The following FHIT variants were observed in gnomAD, a reference collection of about 807,000 sequenced individuals.
FHIT encodes bis(5'-adenosyl)-triphosphatase.
In FHIT, 19 loss-of-function variants were observed where a neutral mutation model predicts 17.9. The observed-to-expected ratio is 1.06, with a 90% confidence interval of 0.74 to 1.56. The LOEUF (loss-of-function observed/expected upper bound fraction) is 1.56, where lower values mean the gene tolerates loss of function less well. Among genes scored for constraint, FHIT ranks in the 40% most tolerant of loss-of-function variants. FHIT has a pLI of 0.00. For missense variants in FHIT, 248 were observed against 189.2 expected (o/e 1.31, Z -1.82); for synonymous variants, 81 against 69.7 (o/e 1.16, Z -0.81).
intron 5 of FHIT, among the ~76,000 whole-genome samples, chr3:60,186,445 C>A (rs188048900): frequency 6.6e-6 from 1 of 152,260 alleles, no homozygotes; most frequent in Admixed American, 6.5e-5. Flanking sequence ...AGTTAGTCAA[C>A]TGTTTTTCAA....
intron 5 of FHIT, among the ~76,000 whole-genome samples, chr3:60,017,675 C>T (rs1265667929): frequency 6.6e-6 from 1 of 152,202 alleles, no homozygotes; most frequent in Non-Finnish European, 1.5e-5. Context: ...TCTTCATGCT[C>T]ACCACCAGCC....
intron 2 of FHIT, among the ~76,000 whole-genome samples, chr3:61,056,819 C>CA (rs888047849): frequency 6.6e-6 from 1 of 152,176 alleles, no homozygotes; most frequent in Non-Finnish European, 1.5e-5. Flanking sequence ...GCATCAGCTA[C>CA]ATAGCACCTA....
intron 4 of FHIT, among the ~76,000 whole-genome samples, chr3:60,656,242 C>T (rs1372385558): frequency 1.3e-5 from 2 of 152,170 alleles, no homozygotes; most frequent in Non-Finnish European, 2.9e-5. Context: ...GCTCTCTCTT[C>T]ACCCCAAATT....
chr3:61,227,722 C>T lies in FHIT; in HGVS notation c.-213+23579G>A, dbSNP rs563566166. 1.4e-4 allele frequency among the ~76,000 whole-genome samples: 22 copies of T among 152,256 alleles called. 1 individual carries two copies. The highest frequency in any genetic ancestry group is 1.3e-3 in the Admixed American group (20 of 15,304). The stretch of plus-strand genomic sequence containing the variant: ...TTTGGATCATTATTCATCTCTCTTA[C>T]AGCATAGAACTTTTTTCCATGGGAT... On this transcript the variant is annotated intron_variant, in intron 1 of 9. Coordinates refer to ENST00000492590, the MANE Select transcript of FHIT (RefSeq NM_002012.4).
At chr3:59,874,586 C>T (rs540003192) in intron 8 of FHIT, among the ~76,000 whole-genome samples, 1 of 152,056 alleles carries the variant, frequency 6.6e-6, no homozygotes, top group Admixed American at 6.5e-5. Flanking sequence ...CTGAAACGTA[C>T]GATATTACGG....
chr3:60,798,718 CATCT>C (rs36184836), intron 4 of FHIT, among the ~76,000 whole-genome samples: 58,377 of 146,794 alleles, frequency 0.4, 12,973 homozygotes, highest in East Asian at 0.79. Context: ...ACCAGTCAAT[CATCT>C]ATCTATTCTC....
chr3:61,147,231 C>T (rs1460648369), intron 2 of FHIT, among the ~76,000 whole-genome samples: 3 of 151,890 alleles, frequency 2.0e-5, no homozygotes, highest in African/African-American at 7.3e-5. Context: ...CAAGGCAAAA[C>T]GTTCTGTTGA....
In FHIT at chr3:59,986,758, A is replaced by AC. The variant is rs1708973875; in HGVS notation, c.279+24612_279+24613insG. Among the ~76,000 whole-genome samples the AC allele has an allele frequency of 5.9e-5, 2 of 33,916 alleles. 1 individual carries two copies. Among genetic ancestry groups the AC allele is most frequent in the Non-Finnish European group, 1.2e-4 (2 of 17,146 alleles). 22.3% of individuals were successfully genotyped at this position (33,916 alleles called of 152,430 possible). ...TATATACATATATTTATATATATAT[A>AC]AATATATTTATATAAATATATAAAT... On this transcript the variant is annotated intron_variant, in intron 7 of 9. Coordinates refer to ENST00000492590, the MANE Select transcript of FHIT (RefSeq NM_002012.4).
At chr3:61,048,320 T>C (rs974737628) in intron 2 of FHIT, among the ~76,000 whole-genome samples, 15 of 152,262 alleles carry the variant, frequency 9.9e-5, no homozygotes, top group African/African-American at 3.1e-4. Flanking sequence ...GGGTGAAGGA[T>C]ATGAACAGAC....
intron 3 of FHIT, among the ~76,000 whole-genome samples, chr3:60,932,308 T>C (rs1440591871): frequency 2.0e-5 from 3 of 152,178 alleles, no homozygotes; most frequent in South Asian, 4.2e-4. Context: ...GTGTTCTGAT[T>C]TTCCTCCACT....
chr3:61,079,683 C>G (rs1207428509), intron 2 of FHIT, among the ~76,000 whole-genome samples: 1 of 152,188 alleles, frequency 6.6e-6, no homozygotes, highest in African/African-American at 2.4e-5. Flanking sequence ...TGCACACACA[C>G]ACATACACAT....
At chr3:60,264,608 T>C (rs998552066) in intron 5 of FHIT, among the ~76,000 whole-genome samples, 7 of 152,064 alleles carry the variant, frequency 4.6e-5, no homozygotes, top group Non-Finnish European at 8.8e-5. Context: ...AAAAGCACAA[T>C]AGAGCAAACA....
At chr3:61,132,088 G>C (rs1391991562) in intron 2 of FHIT, among the ~76,000 whole-genome samples, 1 of 152,204 alleles carries the variant, frequency 6.6e-6, no homozygotes, top group African/African-American at 2.4e-5. Context: ...CATGTAGGGT[G>C]GTTCCAACAA....
At chr3:60,257,963 A>G (rs1162764767) in intron 5 of FHIT, among the ~76,000 whole-genome samples, 1 of 151,962 alleles carries the variant, frequency 6.6e-6, no homozygotes, top group African/African-American at 2.4e-5. Flanking sequence ...TACCTGGGTG[A>G]TGGGTTGATC....
intron 5 of FHIT, among the ~76,000 whole-genome samples, chr3:60,178,351 C>T (rs909139606): frequency 6.6e-6 from 1 of 152,132 alleles, no homozygotes; most frequent in African/African-American, 2.4e-5. Context: ...CTTTGGGAGG[C>T]TGAGGCGGGC....
intron 2 of FHIT, among the ~76,000 whole-genome samples, chr3:61,110,193 C>T (rs192413128): frequency 6.6e-6 from 1 of 152,266 alleles, no homozygotes; most frequent in Admixed American, 6.5e-5. Flanking sequence ...TCTCTCAGGC[C>T]GCTTTTCTCT....
intron 4 of FHIT, among the ~76,000 whole-genome samples, chr3:60,578,565 T>C (rs2037650240): frequency 6.6e-6 from 1 of 152,114 alleles, no homozygotes; most frequent in South Asian, 2.1e-4. Flanking sequence ...TACCTGCATA[T>C]TTTCATTTGC....
chr3:60,493,647 T>C (rs242219), intron 5 of FHIT, among the ~76,000 whole-genome samples: 71,359 of 151,964 alleles, frequency 0.47, 17,262 homozygotes, highest in Admixed American at 0.54. Context: ...TTTTTAGACA[T>C]GGACATAAAG....
chr3:60,291,594 C>CT (rs1707986869), intron 5 of FHIT, among the ~76,000 whole-genome samples: 1 of 152,144 alleles, frequency 6.6e-6, no homozygotes, highest in African/African-American at 2.4e-5. Flanking sequence ...ATTTTTCAGG[C>CT]TGCTCTTTGG....
Sources: allele counts gnomAD v4.1 joint callset (sites outside exome capture counted in the v4.1 genomes callset), GRCh38; gene constraint gnomAD v4.1.1; transcripts MANE v1.5; gene names NCBI Gene and HGNC (gene_info 2026-07-23, HGNC 2026-07-21).